Variants in MSRB3 observed in about 807,000 individuals in gnomAD.
MSRB3 encodes methionine-R-sulfoxide reductase B3.
In MSRB3, 13 loss-of-function variants were observed where a neutral mutation model predicts 21.0. That is an observed-to-expected ratio of 0.62 (90% CI 0.40 to 0.98). The LOEUF is 0.98. Among genes scored for constraint, MSRB3 ranks in the 50% least tolerant of loss-of-function variants. The pLI, the probability that MSRB3 is intolerant of heterozygous loss-of-function variation, is 0.00. For synonymous variants in MSRB3, 87 were observed against 88.6 expected (o/e 0.98, Z 0.10); for missense variants, 199 against 230.3 (o/e 0.86, Z 0.88).
At chr12:65,331,210 C>A (rs1875391479) in intron 4 of MSRB3, among the ~76,000 whole-genome samples, 1 of 152,156 alleles carries the variant, frequency 6.6e-6, no homozygotes, top group African/African-American at 2.4e-5. Context: ...TATCAGTCAG[C>A]ACCCAGTCAG....
chr12:65,286,346 A>G (rs897491717), intron 1 of MSRB3: 2 of 152,236 alleles, frequency 1.3e-5, no homozygotes, highest in Non-Finnish European at 2.9e-5. Flanking sequence ...ATCCTCTTAC[A>G]ATAAAATTTA....
At chr12:65,385,886 T>C (rs1879173177) in intron 5 of MSRB3, among the ~76,000 whole-genome samples, 1 of 151,954 alleles carries the variant, frequency 6.6e-6, no homozygotes, top group South Asian at 2.1e-4. Context: ...ATACTATTTC[T>C]GTTTATTCTG....
At chr12:65,328,276 C>A (rs886828711) in intron 3 of MSRB3, among the ~76,000 whole-genome samples, 19 of 150,894 alleles carry the variant, frequency 1.3e-4, no homozygotes, top group Non-Finnish European at 1.9e-4. Context: ...AAATCTTTTT[C>A]TAAGCATTAC....
chr12:65,409,272 A>G (rs918281778), intron 5 of MSRB3, among the ~76,000 whole-genome samples: 26 of 152,112 alleles, frequency 1.7e-4, no homozygotes, highest in African/African-American at 6.0e-4. Context: ...TTGTTAGGCA[A>G]TTTTGTCATT....
intron 5 of MSRB3, among the ~76,000 whole-genome samples, chr12:65,429,074 A>G (rs1881754541): frequency 6.6e-6 from 1 of 152,156 alleles, no homozygotes; most frequent in Non-Finnish European, 1.5e-5. Flanking sequence ...CATTAAGTCA[A>G]TATCTACTGC....
intron 2 of MSRB3, among the ~76,000 whole-genome samples, chr12:65,312,058 T>C (rs1286578291): frequency 6.6e-6 from 1 of 152,066 alleles, no homozygotes; most frequent in Non-Finnish European, 1.5e-5. Flanking sequence ...AAAAGAACAC[T>C]GGATTAGGAG....
intron 5 of MSRB3, chr12:65,420,027 G>A (rs1383644656): frequency 2.4e-5 from 13 of 551,836 alleles, no homozygotes; most frequent in Non-Finnish European, 2.9e-5. Flanking sequence ...AGCTCATGCT[G>A]TCTGGGGAAG....
intron 5 of MSRB3, among the ~76,000 whole-genome samples, chr12:65,415,777 T>C (rs994420676): frequency 6.6e-6 from 1 of 152,196 alleles, no homozygotes; most frequent in Non-Finnish European, 1.5e-5. Flanking sequence ...AAAGGTAGAC[T>C]GAATAGTCCC....
intron 4 of MSRB3, among the ~76,000 whole-genome samples, chr12:65,352,681 G>C (rs1275114530): frequency 6.6e-6 from 1 of 151,814 alleles, no homozygotes; most frequent in Admixed American, 6.6e-5. Context: ...CAGACAAACA[G>C]AGAGCCAAAT....
intron 4 of MSRB3, among the ~76,000 whole-genome samples, chr12:65,361,837 G>C (rs993910470): frequency 2.0e-5 from 3 of 152,104 alleles, no homozygotes; most frequent in Non-Finnish European, 4.4e-5. Context: ...TGGCTTGACT[G>C]AATTCTTGCT....
intron 2 of MSRB3, among the ~76,000 whole-genome samples, chr12:65,309,700 T>C (rs898534879): frequency 3.9e-5 from 6 of 152,188 alleles, no homozygotes; most frequent in African/African-American, 1.2e-4. Flanking sequence ...ATGGAGGATA[T>C]GGTGCTTGAG....
intron 4 of MSRB3, among the ~76,000 whole-genome samples, chr12:65,361,300 G>A (rs546739101): frequency 2.6e-5 from 4 of 152,184 alleles, no homozygotes; most frequent in South Asian, 4.2e-4. Flanking sequence ...TTTATAGATG[G>A]TAAGACTCAA....
intron 5 of MSRB3, among the ~76,000 whole-genome samples, chr12:65,438,833 A>G (rs554697403): frequency 1.3e-5 from 2 of 152,020 alleles, no homozygotes; most frequent in Admixed American, 6.6e-5. Context: ...ACACACACAC[A>G]CAAAGGAAAA....
At chr12:65,362,290 G>A (rs1315089298) in intron 4 of MSRB3, among the ~76,000 whole-genome samples, 1 of 152,100 alleles carries the variant, frequency 6.6e-6, no homozygotes, top group African/African-American at 2.4e-5. Flanking sequence ...GATAGAAAAA[G>A]GGCCTTCTCC....
intron 5 of MSRB3, among the ~76,000 whole-genome samples, chr12:65,394,290 A>G (rs1879659100): frequency 6.6e-6 from 1 of 152,208 alleles, no homozygotes; most frequent in South Asian, 2.1e-4. Flanking sequence ...TAAAAAATAA[A>G]ACTAACACAT....
At chr12:65,362,572 T>A (rs959471530) in intron 4 of MSRB3, among the ~76,000 whole-genome samples, 1 of 152,170 alleles carries the variant, frequency 6.6e-6, no homozygotes, top group Admixed American at 6.5e-5. Flanking sequence ...ATTACTGAAC[T>A]CCTTTAGTAT....
intron 5 of MSRB3, among the ~76,000 whole-genome samples, chr12:65,434,404 G>A (rs1882025259): frequency 6.6e-6 from 1 of 151,902 alleles, no homozygotes; most frequent in South Asian, 2.1e-4. Context: ...ATATCTAGTT[G>A]AGAAGATAAG....
intron 5 of MSRB3, among the ~76,000 whole-genome samples, chr12:65,407,013 A>T (rs554534010): frequency 1.3e-5 from 2 of 152,184 alleles, no homozygotes; most frequent in Non-Finnish European, 2.9e-5. Context: ...TCTGTTCTTT[A>T]TAAAATTATC....
chr12:65,306,089 T>C (rs1201419240), intron 1 of MSRB3, among the ~76,000 whole-genome samples: 1 of 152,176 alleles, frequency 6.6e-6, no homozygotes, highest in Admixed American at 6.6e-5. Flanking sequence ...CAGAATTGGC[T>C]ATGGGCATGA....
Sources: gnomAD v4.1 joint callset for allele counts (sites outside exome capture counted in the v4.1 genomes callset) on GRCh38, gnomAD v4.1.1 for gene constraint, MANE v1.5 for transcripts, NCBI Gene and HGNC (gene_info 2026-07-23, HGNC 2026-07-21) for gene names.